Variants in SMC2 observed in about 807,000 individuals in gnomAD.
SMC2 encodes the protein structural maintenance of chromosomes 2.
Under a neutral mutation model 142.6 loss-of-function variants are expected in SMC2, and 41 were observed. The ratio of observed to expected loss-of-function variants is 0.29; its 90% CI spans 0.22 to 0.37. SMC2 has a LOEUF of 0.37. Among genes scored for constraint, SMC2 ranks in the 10% least tolerant of loss-of-function variants. SMC2 has a pLI of 1.00. For missense variants in SMC2, 1,265 were observed against 1,373.7 expected (o/e 0.92, Z 1.25); for synonymous variants, 463 against 457.5 (o/e 1.01, Z -0.15).
At chr9:104,104,029 C>T (rs1831470627) in intron 9 of SMC2, among the ~76,000 whole-genome samples, 1 of 152,048 alleles carries the variant, frequency 6.6e-6, no homozygotes, top group African/African-American at 2.4e-5. Flanking sequence ...ACTGATTGCT[C>T]CTTTTTCATC....
In SMC2 at chr9:104,114,715, A is replaced by C; in HGVS notation, c.1557A>C (p.Arg519Ser). 6.2e-7 allele frequency: 1 copy of C among 1,612,560 alleles called. No individual in the cohort carries two copies. Among genetic ancestry groups the C allele is most frequent in the Middle Eastern group, 1.7e-4 (1 of 6,050 alleles). Residue 519 changes from arginine (R) to serine (S), a missense_variant, in exon 13 of 25, where the codon AGA becomes AGC. Around this residue, in one of 4 missense-constraint regions of SMC2, gnomAD observed 898 missense variants for 904.2 expected, o/e 0.99. Coordinates refer to ENST00000374793, the MANE Select transcript of SMC2 (RefSeq NM_006444.3). ...GGGATCCAGAGAAGAACTGGAATAGAAATTGTGTGAAAGGACTTGTGGCTT... is the reference window on the plus strand; with the variant it reads ...GGGATCCAGAGAAGAACTGGAATAGCAATTGTGTGAAAGGACTTGTGGCTT... ...AYKDPEKNWN[R>S]NCVKGLVASL... is the part of the protein sequence containing the mutation.
chr9:104,106,039 G>A (rs1831728396), intron 9 of SMC2, among the ~76,000 whole-genome samples: 1 of 152,218 alleles, frequency 6.6e-6, no homozygotes, highest in Non-Finnish European at 1.5e-5. Context: ...CTAAAGTACA[G>A]TGTTTAGGTC....
intron 20 of SMC2, among the ~76,000 whole-genome samples, chr9:104,128,786 A>G (rs1834595964): frequency 6.6e-6 from 1 of 152,198 alleles, no homozygotes; most frequent in South Asian, 2.1e-4. Context: ...AAAAATTATT[A>G]TACAGTGCCT....
intron 2 of SMC2, 89 bp downstream of exon 2, chr9:104,095,641 T>C (rs1254615399): frequency 2.0e-6 from 2 of 1,012,762 alleles, no homozygotes; most frequent in Admixed American, 2.2e-5. Context: ...TTCTCTTCAT[T>C]TGTGTTTTTA....
Position 104,139,540 on chromosome 9 carries a change from T to C in SMC2, c.*225T>C, listed in dbSNP as rs1218694387. The stretch of plus-strand genomic sequence containing the variant: ...TGTGGTTGTGATTTTATGCATATCA[T>C]CAAATGTTTTTTTCTTATGCGGGTC... On this transcript the variant is annotated 3_prime_UTR_variant, in exon 25 of 25. Transcript: ENST00000374793. 2 of 371,978 alleles carry C rather than the reference T, an allele frequency of 5.4e-6. No homozygotes were observed. Among genetic ancestry groups the C allele is most frequent in the Non-Finnish European group, 9.5e-6 (2 of 210,044 alleles). 23.0% of individuals were successfully genotyped at this position (371,978 alleles called of 1,614,324 possible).
At chr9:104,107,381 C>A (rs76149357) in intron 9 of SMC2, among the ~76,000 whole-genome samples, 9,185 of 152,258 alleles carry the variant, frequency 0.06, 744 homozygotes, top group African/African-American at 0.19. Flanking sequence ...TGACAAGTTT[C>A]TGTTGCCATA....
At chr9:104,091,984 A>T (rs1344932290), upstream of SMC2, 1 of 152,202 alleles carries the variant, frequency 6.6e-6, no homozygotes, top group Non-Finnish European at 1.5e-5. Context: ...AAGCAAGAAC[A>T]GTGTTTTCTG....
intron 1 of SMC2, 84 bp downstream of exon 1, chr9:104,094,561 C>T (rs1830233910): frequency 3.4e-6 from 1 of 296,352 alleles, no homozygotes; most frequent in Non-Finnish European, 5.9e-6. Context: ...GGGCGCGGGG[C>T]GCGGGGGCTG....
At chr9:104,127,026 C>A (rs565817220) in intron 19 of SMC2, among the ~76,000 whole-genome samples, 8 of 152,014 alleles carry the variant, frequency 5.3e-5, no homozygotes, top group Non-Finnish European at 1.2e-4. Context: ...TAACAAAAAA[C>A]GCTCTCATTT....
At position 104,122,440 on chromosome 9, in the gene SMC2, T is replaced by A. The variant is rs150697329; in HGVS notation, c.2133-668T>A. On this transcript the variant is annotated intron_variant, in intron 16 of 24. Transcript: ENST00000374793. ...CAAGTATATCTTCAGGCAAGAATAC[T>A]CAAGGTAGTATTTATATTTTATAAG... is the stretch of plus-strand genomic sequence containing the variant. Among the ~76,000 whole-genome samples the A allele has an allele frequency of 7.9e-3, 1,204 of 152,030 alleles. 9 individuals carry two copies. The highest frequency in any genetic ancestry group is 0.013 in the Non-Finnish European group (904 of 67,972).
intron 16 of SMC2, among the ~76,000 whole-genome samples, chr9:104,121,457 C>G (rs1032374184): frequency 2.6e-5 from 4 of 152,042 alleles, no homozygotes; most frequent in Non-Finnish European, 4.4e-5. Flanking sequence ...GATTGTGCCA[C>G]TGCACTCTCT....
At chr9:104,109,809 AT>A (rs1432828458) in intron 9 of SMC2, among the ~76,000 whole-genome samples, 1 of 152,192 alleles carries the variant, frequency 6.6e-6, no homozygotes, top group Non-Finnish European at 1.5e-5. Flanking sequence ...GTACTAGTCT[AT>A]TTTATCATTT....
chr9:104,130,114 T>C (rs1209529966), intron 21 of SMC2, among the ~76,000 whole-genome samples: 3 of 152,214 alleles, frequency 2.0e-5, no homozygotes, highest in Non-Finnish European at 4.4e-5. Flanking sequence ...TATCATTTCA[T>C]TTCTTTCACT....
At chr9:104,106,856 C>T (rs926469037) in intron 9 of SMC2, among the ~76,000 whole-genome samples, 3 of 152,066 alleles carry the variant, frequency 2.0e-5, no homozygotes, top group Non-Finnish European at 4.4e-5. Context: ...ACCCATTGAG[C>T]GTAATGCCCA....
chr9:104,098,173 A>C (rs184380446), intron 3 of SMC2, among the ~76,000 whole-genome samples: 3 of 152,214 alleles, frequency 2.0e-5, no homozygotes, highest in African/African-American at 7.2e-5. Flanking sequence ...TAAAGCTAGA[A>C]GTTACCTCGG....
At chr9:104,137,305 T>C (rs1267934131) in intron 23 of SMC2, among the ~76,000 whole-genome samples, 1 of 152,146 alleles carries the variant, frequency 6.6e-6, no homozygotes, top group Non-Finnish European at 1.5e-5. Context: ...AGGCTTTTTA[T>C]GAATTATATA....
intron 7 of SMC2, 55 bp from the exon 8 acceptor site, chr9:104,101,905 A>C: frequency 8.8e-7 from 1 of 1,130,332 alleles, no homozygotes; most frequent in South Asian, 1.4e-5. Context: ...TGCATAATTG[A>C]ATTTTTTTTT....
Position 104,139,608 on chromosome 9 carries a change from A to G in SMC2, c.*293A>G, listed in dbSNP as rs1243410647. ...CCTGAGATACCCGATTCTATATGTA[A>G]AAGCTAATATACAAAAAAGCAGATT... On this transcript the variant is annotated 3_prime_UTR_variant, in exon 25 of 25. Transcript: ENST00000374793. 4.6e-6 allele frequency: 1 copy of G among 215,236 alleles called. No individual in the cohort carries two copies. Among genetic ancestry groups the G allele is most frequent in the Non-Finnish European group, 9.0e-6 (1 of 110,756 alleles). The allele number at this position is 215,236 out of a possible 1,614,324, so 13.3% of individuals were successfully genotyped here.
At chr9:104,096,731 G>A (rs1271430148) in intron 3 of SMC2, among the ~76,000 whole-genome samples, 1 of 152,170 alleles carries the variant, frequency 6.6e-6, no homozygotes, top group Non-Finnish European at 1.5e-5. Context: ...AGCACCAAGA[G>A]CAAATCTAAC....
Sources: allele counts gnomAD v4.1 joint callset (sites outside exome capture counted in the v4.1 genomes callset), GRCh38; gene constraint gnomAD v4.1.1; regional missense constraint gnomAD v4.1.1; transcripts MANE v1.5; gene names NCBI Gene and HGNC (gene_info 2026-07-23, HGNC 2026-07-21).